The following RBM33 variants were observed in gnomAD, a reference collection of about 807,000 sequenced individuals.
RBM33 encodes RNA-binding protein 33.
A neutral mutation model predicts 132.6 loss-of-function variants in RBM33; 28 were observed. That is an observed-to-expected ratio of 0.21 (90% CI 0.16 to 0.29). The LOEUF (loss-of-function observed/expected upper bound fraction) is 0.29. RBM33 is among the 10% of genes least tolerant of loss of function. The pLI, the probability that RBM33 is intolerant of heterozygous loss-of-function variation, is 1.00. For synonymous variants in RBM33, 634 were observed against 593.0 expected (o/e 1.07, Z -1.01); for missense variants, 1,291 against 1,518.5 (o/e 0.85, Z 2.49).
intron 14 of RBM33, among the ~76,000 whole-genome samples, chr7:155,757,026 A>G (rs1801873882): frequency 6.6e-6 from 1 of 152,228 alleles, no homozygotes; most frequent in Non-Finnish European, 1.5e-5. Context: ...TGTCAACCAC[A>G]GTATGGGCTG....
rs1158137665 is a variant in RBM33 at position 155,711,281 on chromosome 7, C to T, written c.1027C>T (p.Pro343Ser). 3 of 1,605,542 alleles carry T rather than the reference C, an allele frequency of 1.9e-6. No homozygotes were observed. The highest frequency in any genetic ancestry group is 1.3e-5 in the African/African-American group (1 of 74,394). Residue 343 changes from proline to serine, a missense_variant, in exon 8 of 18, where the codon CCG (proline) becomes TCG (serine). By Grantham distance (74) the Pro-to-Ser change is moderately conservative. Transcript: ENST00000401878. ...RSLFQPQPLQ[P>S]LLPVQHPHHP... ...CCTGTTCCAGCCGCAGCCGCTGCAG[C>T]CGCTGCTTCCGGTGCAGCACCCGCA...
Position 155,733,097 on chromosome 7 carries a change from C to T in RBM33, c.1261-4433C>T, listed in dbSNP as rs527261606. 2.0e-4 allele frequency among the ~76,000 whole-genome samples: 31 copies of T among 152,096 alleles called. No homozygotes were observed. The South Asian group carries it at 5.8e-3, about 29-fold the overall frequency. The stretch of plus-strand genomic sequence containing the variant: ...CTGTACCAAGGGTTACAAGAGAAGC[C>T]GTTTTCTGTAGTGATTTTGCATTTT... On this transcript the variant is annotated intron_variant, in intron 9 of 17. Transcript: ENST00000401878.
chr7:155,645,012 G>A (rs1798138326), intron 1 of RBM33, 93 bp downstream of exon 1: 1 of 898,308 alleles, frequency 1.1e-6, no homozygotes, highest in Admixed American at 3.6e-5. Context: ...AGAGGACGAG[G>A]CTCTCCCCGG....
chr7:155,685,559 G>A (rs557686905), intron 5 of RBM33, among the ~76,000 whole-genome samples: 1 of 152,324 alleles, frequency 6.6e-6, no homozygotes, highest in Non-Finnish European at 1.5e-5. Context: ...CTCAGAGACA[G>A]TGCTAGGAGC....
intron 16 of RBM33, among the ~76,000 whole-genome samples, chr7:155,767,892 G>A (rs1030795678): frequency 6.6e-6 from 1 of 152,372 alleles, no homozygotes; most frequent in South Asian, 2.1e-4. Flanking sequence ...GGATTAAAAT[G>A]TGGTTATCCT....
rs1222877250 is a variant in RBM33, at chr7:155,648,138, C to T, written c.43+3219C>T. On this transcript the variant is annotated intron_variant, in intron 1 of 17. Transcript: ENST00000401878. ...TTTAATGGGAAATTTCAAACACATC[C>T]AGTAGTAGAATAATGAACCCACATA... Among the ~76,000 whole-genome samples the T allele has an allele frequency of 4.6e-5, 7 of 152,170 alleles. No homozygotes were observed. In the South Asian group the frequency reaches 8.3e-4, roughly 18 times the overall value.
intron 14 of RBM33, 153 bp from the exon 15 acceptor site, chr7:155,763,659 T>C (rs1181472880): frequency 9.8e-6 from 7 of 710,904 alleles, no homozygotes; most frequent in Non-Finnish European, 1.8e-5. Flanking sequence ...ATGTCCTTAC[T>C]GGCTCTAGTG....
At chr7:155,680,192 G>A (rs1170658633) in intron 4 of RBM33, among the ~76,000 whole-genome samples, 1 of 152,050 alleles carries the variant, frequency 6.6e-6, no homozygotes, top group Non-Finnish European at 1.5e-5. Flanking sequence ...TGAACTCTTA[G>A]CAGTTTCTGT....
At chr7:155,648,949 C>G (rs541090323) in intron 1 of RBM33, among the ~76,000 whole-genome samples, 12 of 152,264 alleles carry the variant, frequency 7.9e-5, no homozygotes, top group Non-Finnish European at 1.8e-4. Flanking sequence ...TTGTCTTTGG[C>G]TTTTGATAGT....
intron 2 of RBM33, among the ~76,000 whole-genome samples, chr7:155,669,533 A>G (rs999573403): frequency 6.6e-6 from 1 of 152,114 alleles, no homozygotes; most frequent in African/African-American, 2.4e-5. Context: ...TTATATTTTT[A>G]GTAGAGAAGG....
intron 3 of RBM33, among the ~76,000 whole-genome samples, chr7:155,673,145 A>G (rs1368869999): frequency 1.3e-5 from 2 of 152,146 alleles, no homozygotes; most frequent in Non-Finnish European, 1.5e-5. Flanking sequence ...TACTTTGTCC[A>G]AGGCACTCTG....
At chr7:155,764,833 G>T (rs143535590) in intron 15 of RBM33, among the ~76,000 whole-genome samples, 2,739 of 152,350 alleles carry the variant, frequency 0.018, 41 homozygotes, top group South Asian at 0.032. Context: ...TTTAGAAGTA[G>T]TGTCACTATT....
chr7:155,706,070 C>G (rs960096895), intron 6 of RBM33, among the ~76,000 whole-genome samples: 1 of 152,114 alleles, frequency 6.6e-6, no homozygotes, highest in African/African-American at 2.4e-5. Flanking sequence ...TGAGAATGAT[C>G]GGGAATTTGT....
chr7:155,660,168 G>C (rs1798602056), intron 1 of RBM33, among the ~76,000 whole-genome samples: 1 of 152,144 alleles, frequency 6.6e-6, no homozygotes, highest in Non-Finnish European at 1.5e-5. Flanking sequence ...CTGCCTCCTG[G>C]GCTCAAGCAG....
chr7:155,767,569 C>T (rs191047655), intron 16 of RBM33, among the ~76,000 whole-genome samples: 2 of 152,326 alleles, frequency 1.3e-5, no homozygotes, highest in East Asian at 3.9e-4. Flanking sequence ...TCTCCATCTG[C>T]TGTTGACAGT....
At chr7:155,683,206 C>G (rs551924893) in intron 5 of RBM33, among the ~76,000 whole-genome samples, 3 of 152,098 alleles carry the variant, frequency 2.0e-5, no homozygotes, top group Non-Finnish European at 4.4e-5. Context: ...CTGAAATGGC[C>G]GCTTCCTTGG....
At position 155,672,071 on chromosome 7, in the gene RBM33, T is replaced by G. The variant is rs765341169; in HGVS notation, c.123-796T>G. 7.9e-5 allele frequency among the ~76,000 whole-genome samples: 12 copies of G among 152,326 alleles called. No individual in the cohort carries two copies. In the Middle Eastern group the frequency reaches 0.01, roughly 130 times the overall value. Reference sequence around the variant, plus strand: ...CTAATTTCCCTTAGTTACTGTGATTTGATTTTATGTTCTCGTTCGTTTTTA... The same window carrying G: ...CTAATTTCCCTTAGTTACTGTGATTGGATTTTATGTTCTCGTTCGTTTTTA... On this transcript the variant is annotated intron_variant, in intron 2 of 17. Coordinates refer to ENST00000401878, the MANE Select transcript of RBM33 (RefSeq NM_053043.3).
In RBM33 at chr7:155,711,305, C is replaced by T; in HGVS notation, c.1051C>T (p.His351Tyr). 1.9e-6 allele frequency: 3 copies of T among 1,608,002 alleles called. No individual in the cohort carries two copies. Among genetic ancestry groups the T allele is most frequent in the East Asian group, 2.3e-5 (1 of 44,162 alleles). ...LQPLLPVQHP[H>Y]HPSPPQGMHM... ...GCCGCTGCTTCCGGTGCAGCACCCG[C>T]ACCACCCATCCCCGCCTCAGGGAAT... Residue 351 changes from histidine (H) to tyrosine (Y), a missense_variant, in exon 8 of 18, where the codon CAC becomes TAC. Physicochemically the swap from His to Tyr is moderately conservative, Grantham distance 83. Transcript: ENST00000401878.
In RBM33 at chr7:155,716,316, G is replaced by GTTTTTTTTTTTTTTTTTTTTTTTT. The variant is rs59289310; in HGVS notation, c.1202-2053_1202-2052insTTTTTTTTTTTTTTTTTTTTTTTT. ...TGTCAGCTGTTTTTCCTTTTCTGCT[G>GTTTTTTTTTTTTTTTTTTTTTTTT]TTTTTTTTTTTTTTTTAAATAGGGA... On this transcript the variant is annotated intron_variant, in intron 8 of 17. Transcript: ENST00000401878. Among the ~76,000 whole-genome samples, 26 of 102,372 alleles carry GTTTTTTTTTTTTTTTTTTTTTTTT rather than the reference G, an allele frequency of 2.5e-4. 1 individual carries two copies. The highest frequency in any genetic ancestry group is 4.3e-4 in the African/African-American group (11 of 25,406). The allele number at this position is 102,372 out of a possible 152,430, so 67.2% of individuals were successfully genotyped here. A position where few individuals can be genotyped will look rare whatever the true frequency, so the allele number is the denominator to read the frequency against.
Sources: gnomAD v4.1 joint callset for allele counts (sites outside exome capture counted in the v4.1 genomes callset) on GRCh38, gnomAD v4.1.1 for gene constraint, MANE v1.5 for transcripts, NCBI Gene and HGNC (gene_info 2026-07-23, HGNC 2026-07-21) for gene names.